The following ABCA13 variants were observed in gnomAD, a reference collection of about 807,000 sequenced individuals.
The protein encoded by ABCA13 is ATP-binding cassette sub-family A member 13.
ABCA13 carries 476 observed loss-of-function variants against 478.7 expected under a neutral mutation model. The observed-to-expected ratio is 0.99, with a 90% CI of 0.92 to 1.07. The LOEUF (loss-of-function observed/expected upper bound fraction) is 1.07, where lower values mean the gene tolerates loss of function less well. ABCA13 is among the 50% of genes least tolerant of loss of function. The pLI, the probability that ABCA13 is intolerant of heterozygous loss-of-function variation, is 0.00. For synonymous variants in ABCA13, 2,252 were observed against 2,158.9 expected, an observed-to-expected ratio of 1.04 and a Z score of -1.20; for missense variants, 6,060 against 5,910.6, an observed-to-expected ratio of 1.03 and a Z score of -0.83.
intron 58 of ABCA13, among the ~76,000 whole-genome samples, chr7:48,611,588 G>C (rs1354169415): frequency 6.6e-6 from 1 of 152,172 alleles, no homozygotes; most frequent in African/African-American, 2.4e-5. Context: ...GGCCAGAGCA[G>C]GAGGAAGAGA....
Position 48,245,944 on chromosome 7 carries a change from TGG to T in ABCA13, c.1576_1577del (p.Gly526TrpfsTer10). 6.2e-7 allele frequency: 1 copy of T among 1,613,816 alleles called. No individual in the cohort carries two copies. Among genetic ancestry groups the T allele is most frequent in the Non-Finnish European group, 8.5e-7 (1 of 1,179,806 alleles). On this transcript the variant is annotated frameshift_variant, in exon 13 of 62. Transcript: ENST00000435803. LOFTEE classifies it high-confidence loss of function. ...VFLPPGNSSI[W>X]GGLQGLLCYC... ...TTTGCCGCCTGGAAACTCCAGCATATGGGGTGGTCTCCAGGGACTGTTGTGCT... is the reference window on the plus strand; with the variant it reads ...TTTGCCGCCTGGAAACTCCAGCATATGGTGGTCTCCAGGGACTGTTGTGCT...
At chr7:48,481,655 G>A (rs1196220918) in intron 46 of ABCA13, among the ~76,000 whole-genome samples, 1 of 151,914 alleles carries the variant, frequency 6.6e-6, no homozygotes, top group East Asian at 1.9e-4. Context: ...ACAGGCACCT[G>A]CCACCACACC....
At chr7:48,290,384 A>G (rs1224190147) in intron 20 of ABCA13, among the ~76,000 whole-genome samples, 1 of 152,128 alleles carries the variant, frequency 6.6e-6, no homozygotes, top group Admixed American at 6.5e-5. Flanking sequence ...GGAGAAGGAG[A>G]GTCTGATAGG....
chr7:48,488,593 A>T (rs1829559880), intron 47 of ABCA13, among the ~76,000 whole-genome samples: 1 of 152,204 alleles, frequency 6.6e-6, no homozygotes, highest in African/African-American at 2.4e-5. Context: ...GAGTCATCAT[A>T]CTTCTTGAAG....
At chr7:48,481,210 A>C (rs1828726208) in intron 46 of ABCA13, 56 bp downstream of exon 46, 4 of 1,342,590 alleles carry the variant, frequency 3.0e-6, no homozygotes, top group Non-Finnish European at 3.1e-6. Flanking sequence ...TGGAAAACTT[A>C]TTGTTTTAAA....
chr7:48,313,083 A>G lies in ABCA13; in HGVS notation c.9533A>G (p.Glu3178Gly). ...GTCCTTTAGACTCTGATGCCTTCTGAAGCAAATGGCTTGCTCAACTCCTTG... is the reference window on the plus strand; with the variant it reads ...GTCCTTTAGACTCTGATGCCTTCTGGAGCAAATGGCTTGCTCAACTCCTTG... Reference protein sequence around the residue: ...AFIYKTLMPSEANGLLNSLLD... With the variant: ...AFIYKTLMPSGANGLLNSLLD... Residue 3178 changes from glutamate (E) to glycine (G), a missense_variant, in exon 25 of 62, where the codon GAA becomes GGA. Glu to Gly is a moderately conservative substitution (Grantham distance 98). Transcript: ENST00000435803. 1 of 1,596,734 alleles carries G rather than the reference A, an allele frequency of 6.3e-7. No individual in the cohort carries two copies. The highest frequency in any genetic ancestry group is 8.5e-7 in the Non-Finnish European group (1 of 1,171,834).
At chr7:48,411,626 A>G (rs938675078) in intron 40 of ABCA13, among the ~76,000 whole-genome samples, 7 of 152,108 alleles carry the variant, frequency 4.6e-5, no homozygotes, top group African/African-American at 1.7e-4. Context: ...TTTTTTTGAC[A>G]ACGATATTAC....
At chr7:48,597,981 T>A (rs1790473418) in intron 58 of ABCA13, among the ~76,000 whole-genome samples, 1 of 152,022 alleles carries the variant, frequency 6.6e-6, no homozygotes, top group South Asian at 2.1e-4. Context: ...TTACATAGGG[T>A]TCTCTCTTGA....
chr7:48,615,264 G>T (rs1389276613), intron 58 of ABCA13, 21 bp from the exon 59 acceptor site: 1 of 1,310,238 alleles, frequency 7.6e-7, no homozygotes, highest in South Asian at 1.9e-5. Context: ...GCTCATTTTT[G>T]TCTCTTTTCC....
chr7:48,600,692 A>G (rs1790798590), intron 58 of ABCA13, among the ~76,000 whole-genome samples: 1 of 151,974 alleles, frequency 6.6e-6, no homozygotes. Context: ...TCTTTGTGCT[A>G]TTATTACCAT....
At chr7:48,317,340 A>G in intron 27 of ABCA13, 44 bp downstream of exon 27, 1 of 1,561,746 alleles carries the variant, frequency 6.4e-7, no homozygotes, top group Non-Finnish European at 8.7e-7. Flanking sequence ...TACATACACT[A>G]AATCAGGAAG....
chr7:48,508,345 T>C (rs1831392114), intron 50 of ABCA13, among the ~76,000 whole-genome samples: 1 of 152,190 alleles, frequency 6.6e-6, no homozygotes, highest in South Asian at 2.1e-4. Context: ...TACTATGCTC[T>C]TTTCAATGGG....
chr7:48,642,675 A>G (rs1795180984), intron 59 of ABCA13, among the ~76,000 whole-genome samples: 1 of 152,144 alleles, frequency 6.6e-6, no homozygotes, highest in African/African-American at 2.4e-5. Flanking sequence ...ACCTTAGGGT[A>G]TGAGTATGAG....
At chr7:48,201,888 G>A (rs1310078129) in intron 3 of ABCA13, among the ~76,000 whole-genome samples, 8 of 152,018 alleles carry the variant, frequency 5.3e-5, no homozygotes, top group African/African-American at 1.9e-4. Context: ...TCTGATGTTC[G>A]GACGTGTCCG....
chr7:48,486,622 C>G (rs1829328508), intron 47 of ABCA13, among the ~76,000 whole-genome samples: 1 of 152,162 alleles, frequency 6.6e-6, no homozygotes, highest in African/African-American at 2.4e-5. Context: ...GTGTAAATCA[C>G]TATATTGGTA....
rs1182586394 is a variant in ABCA13, at chr7:48,511,072, T to C, written c.13525-12T>C. ...TGTAACAGCTCTCCCTTATTTCTTT[T>C]TATCTTCTCAGCTCTTTTACTTGGT... On this transcript the variant is annotated splice_polypyrimidine_tract_variant and intron_variant, in intron 50 of 61. Coordinates refer to ENST00000435803, the MANE Select transcript of ABCA13 (RefSeq NM_152701.5). 9 of 1,606,132 alleles carry C rather than the reference T, an allele frequency of 5.6e-6. No individual in the cohort carries two copies. Among genetic ancestry groups the C allele is most frequent in the South Asian group, 5.5e-5 (5 of 90,866 alleles).
chr7:48,517,256 G>A (rs752492210), intron 52 of ABCA13, among the ~76,000 whole-genome samples: 4 of 152,096 alleles, frequency 2.6e-5, no homozygotes, highest in Admixed American at 1.3e-4. Context: ...GTTCACCATC[G>A]TTTGGGTCAG....
rs556319650 is a variant in ABCA13 at position 48,467,010 on chromosome 7, T to C, written c.12870T>C (p.Asp4290=). The C allele has an allele frequency of 1.2e-5, 19 of 1,613,944 alleles. No homozygotes were observed. In the South Asian group the frequency reaches 1.9e-4, roughly 16 times the overall value. ...GTGTGCTTCTGCGGAAGTTTAGAGA[T>C]CAAGATTTGCCCTGTGCAGATTTAA... ...LTRVLLRKFR[D]QDLPCADLNP... The change falls in exon 44 of 62, where the codon GAT becomes GAC. Residue 4290 remains aspartate (D), a synonymous_variant. Transcript: ENST00000435803.
chr7:48,266,879 T>C (rs1332679729), intron 15 of ABCA13, among the ~76,000 whole-genome samples: 2 of 152,162 alleles, frequency 1.3e-5, no homozygotes, highest in Non-Finnish European at 2.9e-5. Flanking sequence ...TGGCATGTTG[T>C]ACTTTCATTT....
Sources: allele counts gnomAD v4.1 joint callset (sites outside exome capture counted in the v4.1 genomes callset), GRCh38; gene constraint gnomAD v4.1.1; transcripts MANE v1.5; gene names NCBI Gene and HGNC (gene_info 2026-07-23, HGNC 2026-07-21).